The following XRN2 variants were observed in gnomAD, a reference collection of about 807,000 sequenced individuals.
XRN2 encodes the protein 5'-3' exoribonuclease 2.
Under a neutral mutation model 138.5 loss-of-function variants are expected in XRN2, and 44 were observed. The observed-to-expected ratio is 0.32, with a 90% CI of 0.25 to 0.41. The LOEUF is 0.41. Among genes scored for constraint, XRN2 ranks in the 10% least tolerant of loss-of-function variants. XRN2 has a pLI of 1.00. For synonymous variants in XRN2, 354 were observed against 369.4 expected, an observed-to-expected ratio of 0.96 and a Z score of 0.48; for missense variants, 937 against 1,169.3, an observed-to-expected ratio of 0.80 and a Z score of 2.90.
intron 26 of XRN2, among the ~76,000 whole-genome samples, chr20:21,366,661 C>T (rs941282357): frequency 6.6e-6 from 1 of 152,142 alleles, no homozygotes; most frequent in African/African-American, 2.4e-5. Flanking sequence ...TATGTCCTCT[C>T]ATAACATTGC....
chr20:21,303,813 AG>A (rs2037775118), intron 1 of XRN2: 31 of 1,071,770 alleles, frequency 2.9e-5, no homozygotes, highest in Non-Finnish European at 3.5e-5. Context: ...GTCTCGGAAG[AG>A]GTTCAGAGGC....
intron 29 of XRN2, among the ~76,000 whole-genome samples, chr20:21,388,101 T>G (rs1426253156): frequency 6.6e-6 from 1 of 152,218 alleles, no homozygotes; most frequent in Non-Finnish European, 1.5e-5. Context: ...GATGAGCATT[T>G]TTGAAGTGAG....
At chr20:21,378,933 G>T (rs1304298901) in intron 27 of XRN2, among the ~76,000 whole-genome samples, 3 of 152,140 alleles carry the variant, frequency 2.0e-5, no homozygotes, top group Non-Finnish European at 2.9e-5. Flanking sequence ...ATCGAGTGTA[G>T]CCCTGAGTAC....
intron 6 of XRN2, among the ~76,000 whole-genome samples, chr20:21,331,165 T>TA (rs1219025975): frequency 6.6e-6 from 1 of 152,154 alleles, no homozygotes; most frequent in East Asian, 1.9e-4. Flanking sequence ...ATTTTATAGA[T>TA]ATGTGTTATT....
chr20:21,366,255 T>A (rs1318871511), intron 26 of XRN2, among the ~76,000 whole-genome samples: 7 of 140,372 alleles, frequency 5.0e-5, no homozygotes, highest in Non-Finnish European at 1.1e-4. Context: ...TTTATGAAAA[T>A]ACTGGGTTTG....
chr20:21,322,482 T>C (rs1412772638), intron 1 of XRN2, among the ~76,000 whole-genome samples: 5 of 152,168 alleles, frequency 3.3e-5, no homozygotes, highest in Admixed American at 3.3e-4. Context: ...GGCATATGAC[T>C]TCCATCAGTG....
At chr20:21,387,431 G>A (rs1221123713) in intron 29 of XRN2, among the ~76,000 whole-genome samples, 1 of 152,178 alleles carries the variant, frequency 6.6e-6, no homozygotes, top group Non-Finnish European at 1.5e-5. Context: ...TGTCATTTTA[G>A]AAGTCTCCTG....
chr20:21,332,323 C>A lies in XRN2; in HGVS notation c.741C>A (p.Asn247Lys). Residue 247 changes from asparagine to lysine, a missense_variant, in exon 9 of 30, where the codon AAC becomes AAA. Physicochemically the swap from Asn to Lys is moderately conservative, Grantham distance 94. This residue lies in a region of XRN2 where 471 missense variants were observed against 581.2 expected (regional missense o/e 0.81). Transcript: ENST00000377191. Reference protein sequence around the residue: ...IMLGLATHEPNFTIIREEFKP... With the variant: ...IMLGLATHEPKFTIIREEFKP... Reference sequence around the variant, plus strand: ...TTGGCCTTGCCACACATGAACCGAACTTTACCATTATTAGAGAAGAATTCA... The same window carrying A: ...TTGGCCTTGCCACACATGAACCGAAATTTACCATTATTAGAGAAGAATTCA... 6.2e-7 allele frequency: 1 copy of A among 1,613,774 alleles called. No homozygotes were observed. The highest frequency in any genetic ancestry group is 8.5e-7 in the Non-Finnish European group (1 of 1,179,838).
intron 26 of XRN2, among the ~76,000 whole-genome samples, chr20:21,366,326 T>C (rs112978507): frequency 1.0e-4 from 15 of 147,996 alleles, no homozygotes; most frequent in Non-Finnish European, 2.1e-4. Context: ...GGCAGGCAGA[T>C]CATGAGATCA....
Position 21,303,442 on chromosome 20 carries a change from C to A in XRN2, c.44C>A (p.Pro15Gln), listed in dbSNP as rs1262449727. 6.5e-7 allele frequency: 1 copy of A among 1,548,184 alleles called. No individual in the cohort carries two copies. The highest frequency in any genetic ancestry group is 8.7e-7 in the Non-Finnish European group (1 of 1,145,994). The change falls in exon 1 of 30, where the codon CCG becomes CAG. Residue 15 changes from proline (P) to glutamine (Q), a missense_variant. This residue lies in a region of XRN2 where 32 missense variants were observed against 32.9 expected (regional missense o/e 0.97). Transcript: ENST00000377191. ...AFFRWLSRKY[P>Q]SIIVNCVEEK... ...TTCCGCTGGCTCAGCCGCAAGTACC[C>A]GTCCATCATAGTCAACTGCGTGGAA...
In XRN2 at chr20:21,303,385, A is replaced by G. The variant is rs1220486282; in HGVS notation, c.-14A>G. 2 of 1,546,580 alleles carry G rather than the reference A, an allele frequency of 1.3e-6. No individual in the cohort carries two copies. Among genetic ancestry groups the G allele is most frequent in the African/African-American group, 1.4e-5 (1 of 72,086 alleles). ...CGTCAGCCGGTCGGCCGCCGCCTCCAGCCGTGTGCCGCTATGGGAGTCCCG... is the reference window on the plus strand; with the variant it reads ...CGTCAGCCGGTCGGCCGCCGCCTCCGGCCGTGTGCCGCTATGGGAGTCCCG... On this transcript the variant is annotated 5_prime_UTR_variant, in exon 1 of 30. Coordinates refer to ENST00000377191, the MANE Select transcript of XRN2 (RefSeq NM_012255.5).
At chr20:21,365,196 A>G (rs564409389) in intron 24 of XRN2, among the ~76,000 whole-genome samples, 43 of 152,304 alleles carry the variant, frequency 2.8e-4, no homozygotes, top group African/African-American at 9.4e-4. Context: ...GTCATCACCA[A>G]TAGTCAGCTA....
At position 21,375,986 on chromosome 20, in the gene XRN2, C is replaced by T. The variant is rs1211800788; in HGVS notation, c.2585-6008C>T. On this transcript the variant is annotated intron_variant, in intron 27 of 29. Coordinates refer to ENST00000377191, the MANE Select transcript of XRN2 (RefSeq NM_012255.5). ...CCTGAGTAGCTCGGACTACAGGCGC[C>T]CGCCACTACACTCGGCTAATTTTTT... Among the ~76,000 whole-genome samples the T allele has an allele frequency of 3.3e-5, 5 of 151,970 alleles. No homozygotes were observed. The East Asian group carries it at 9.7e-4, about 30-fold the overall frequency.
intron 26 of XRN2, 74 bp from the exon 27 acceptor site, chr20:21,368,389 T>G: frequency 6.4e-7 from 1 of 1,561,472 alleles, no homozygotes; most frequent in Middle Eastern, 1.7e-4. Flanking sequence ...AGCATTTGTT[T>G]TATTTGTGTC....
chr20:21,366,514 G>A (rs938902977), intron 26 of XRN2, among the ~76,000 whole-genome samples: 1 of 150,008 alleles, frequency 6.7e-6, no homozygotes. Context: ...CTGAGATTGC[G>A]TCACTGCACT....
At position 21,328,625 on chromosome 20, in the gene XRN2, G is replaced by A. The variant is rs1215318467; in HGVS notation, c.382G>A (p.Ala128Thr). 1 of 1,614,134 alleles carries A rather than the reference G, an allele frequency of 6.2e-7. No homozygotes were observed. Among genetic ancestry groups the A allele is most frequent in the African/African-American group, 1.3e-5 (1 of 75,056 alleles). ...RFRASKEGME[A>T]AVEKQRVREE... ...CAGGGCATCAAAAGAAGGAATGGAA[G>A]CAGCAGTCGAGAAGCAGCGAGTCAG... Residue 128 changes from alanine to threonine, a missense_variant, in exon 4 of 30, where the codon GCA (alanine) becomes ACA (threonine). Ala to Thr is a moderately conservative substitution (Grantham distance 58). This residue lies in a region of XRN2 where 471 missense variants were observed against 581.2 expected (regional missense o/e 0.81). Transcript: ENST00000377191.
At chr20:21,328,089 G>T (rs145724022) in intron 3 of XRN2, among the ~76,000 whole-genome samples, 17 of 152,290 alleles carry the variant, frequency 1.1e-4, no homozygotes, top group Non-Finnish European at 2.4e-4. Flanking sequence ...ATAGTTTTCT[G>T]TTGCTTTTAT....
rs140230163 is a variant in XRN2, at chr20:21,338,188, A to T, written c.1234-856A>T. On this transcript the variant is annotated intron_variant, in intron 13 of 29. Coordinates refer to ENST00000377191, the MANE Select transcript of XRN2 (RefSeq NM_012255.5). ...TAGGATGACCATCAGTATAGGATCC[A>T]CTGGCCCCTGTTTTAGGCTACAACA... Among the ~76,000 whole-genome samples, 322 of 152,280 alleles carry T rather than the reference A, an allele frequency of 2.1e-3. 1 individual carries two copies. Among genetic ancestry groups the T allele is most frequent in the African/African-American group, 7.6e-3 (316 of 41,572 alleles).
intron 24 of XRN2, among the ~76,000 whole-genome samples, chr20:21,359,119 A>G (rs1266898789): frequency 1.3e-5 from 2 of 152,238 alleles, no homozygotes; most frequent in African/African-American, 4.8e-5. Context: ...GAGGAGAGTT[A>G]CAGAGTTAAT....
Sources: allele counts gnomAD v4.1 joint callset (sites outside exome capture counted in the v4.1 genomes callset), GRCh38; gene constraint gnomAD v4.1.1; regional missense constraint gnomAD v4.1.1; transcripts MANE v1.5; gene names NCBI Gene and HGNC (gene_info 2026-07-23, HGNC 2026-07-21).